The following STK32B variants were observed in gnomAD, a reference collection of about 807,000 sequenced individuals.
STK32B encodes the protein serine/threonine kinase 32B.
A neutral mutation model predicts 52.6 loss-of-function variants in STK32B; 43 were observed. That is an observed-to-expected ratio of 0.82 (90% CI 0.64 to 1.05). The LOEUF (loss-of-function observed/expected upper bound fraction) is 1.05, where lower values mean the gene tolerates loss of function less well. Ranked by LOEUF, STK32B falls within the 50% of genes least tolerant of loss-of-function variation. STK32B has a pLI of 0.00. For missense variants in STK32B, 621 were observed against 534.6 expected (o/e 1.16, Z -1.59); for synonymous variants, 238 against 204.3 (o/e 1.17, Z -1.41).
intron 1 of STK32B, among the ~76,000 whole-genome samples, chr4:5,125,870 G>C (rs377668671): frequency 6.6e-6 from 1 of 152,114 alleles, no homozygotes; most frequent in Non-Finnish European, 1.5e-5. Context: ...CCCACGAAGG[G>C]GCTGCCTCTT....
chr4:5,053,893 C>T (rs900725160), intron 1 of STK32B, among the ~76,000 whole-genome samples: 11 of 151,496 alleles, frequency 7.3e-5, no homozygotes, highest in African/African-American at 2.0e-4. Flanking sequence ...GCAGGAGAAT[C>T]GCTTGAACCC....
chr4:5,227,236 A>G (rs1577215376), intron 3 of STK32B, among the ~76,000 whole-genome samples: 2 of 152,360 alleles, frequency 1.3e-5, no homozygotes, highest in East Asian at 3.9e-4. Context: ...TTTGAGTTAC[A>G]GAATCCGAAA....
At chr4:5,364,764 C>T (rs544122522) in intron 4 of STK32B, among the ~76,000 whole-genome samples, 38 of 152,296 alleles carry the variant, frequency 2.5e-4, no homozygotes, top group African/African-American at 9.1e-4. Context: ...AATGCTACTC[C>T]AGTCCCAACC....
At chr4:5,471,155 G>C (rs188466223) in intron 11 of STK32B, among the ~76,000 whole-genome samples, 1 of 152,366 alleles carries the variant, frequency 6.6e-6, no homozygotes, top group Admixed American at 6.5e-5. Context: ...CTGAGGGCCT[G>C]TTAGCATCTA....
At chr4:5,137,555 T>A (rs1472513433) in intron 1 of STK32B, among the ~76,000 whole-genome samples, 1 of 152,194 alleles carries the variant, frequency 6.6e-6, no homozygotes, top group Non-Finnish European at 1.5e-5. Context: ...GGTTGTAGTG[T>A]GCCAGGCATG....
At chr4:5,255,795 A>G (rs1404496400) in intron 3 of STK32B, among the ~76,000 whole-genome samples, 4 of 152,202 alleles carry the variant, frequency 2.6e-5, no homozygotes, top group African/African-American at 7.2e-5. Context: ...CTCTTCTACT[A>G]TATGAATATA....
At chr4:5,420,889 TTTTTG>T (rs768338488) in intron 6 of STK32B, among the ~76,000 whole-genome samples, 2 of 151,496 alleles carry the variant, frequency 1.3e-5, no homozygotes, top group Non-Finnish European at 2.9e-5. Context: ...CGAGACAGTT[TTTTTG>T]TTTTGTTTTG....
chr4:5,164,637 A>C (rs763239902), intron 2 of STK32B, among the ~76,000 whole-genome samples: 1 of 152,202 alleles, frequency 6.6e-6, no homozygotes, highest in Non-Finnish European at 1.5e-5. Flanking sequence ...TCCAGGTTGC[A>C]GGCTGCTAGC....
At chr4:5,234,611 G>C (rs1392385132) in intron 3 of STK32B, among the ~76,000 whole-genome samples, 4 of 152,220 alleles carry the variant, frequency 2.6e-5, no homozygotes. Context: ...TAAGTGGAAA[G>C]GATGGATATG....
intron 4 of STK32B, among the ~76,000 whole-genome samples, chr4:5,385,701 C>T (rs1413106563): frequency 6.6e-6 from 1 of 152,042 alleles, no homozygotes; most frequent in African/African-American, 2.4e-5. Context: ...GAGCAGAGAT[C>T]TAAGGCTCCT....
chr4:5,284,668 G>A (rs1457780898), intron 3 of STK32B, among the ~76,000 whole-genome samples: 1 of 152,122 alleles, frequency 6.6e-6, no homozygotes, highest in Non-Finnish European at 1.5e-5. Flanking sequence ...ACTGTATGAC[G>A]GTAATAATTT....
chr4:5,438,691 C>G (rs570682952), intron 6 of STK32B, among the ~76,000 whole-genome samples: 2 of 152,130 alleles, frequency 1.3e-5, no homozygotes, highest in African/African-American at 4.8e-5. Flanking sequence ...CATGCTGGTG[C>G]GCTGCACCCA....
chr4:5,295,066 T>A (rs1482201780), intron 3 of STK32B, among the ~76,000 whole-genome samples: 1 of 152,208 alleles, frequency 6.6e-6, no homozygotes, highest in Non-Finnish European at 1.5e-5. Context: ...GTTTATGTGA[T>A]GGATTACATT....
rs182907115 is a variant in STK32B at position 5,299,168 on chromosome 4, A to C, written c.261-32052A>C. On this transcript the variant is annotated intron_variant, in intron 3 of 11. Transcript: ENST00000282908. ...TCCAGTGAGATGAACTGGGTACCTC[A>C]GTTGGAAATGCAGAAATTACCCACC... Among the ~76,000 whole-genome samples the C allele has an allele frequency of 2.6e-4, 40 of 151,454 alleles. 1 individual carries two copies. In the East Asian group the frequency reaches 7.2e-3, roughly 27 times the overall value.
chr4:5,253,451 C>T (rs1019727580), intron 3 of STK32B, among the ~76,000 whole-genome samples: 5 of 152,176 alleles, frequency 3.3e-5, no homozygotes, highest in East Asian at 3.9e-4. Context: ...CTCAGCTCAC[C>T]GCAACCTCCT....
intron 5 of STK32B, among the ~76,000 whole-genome samples, chr4:5,410,126 A>G (rs1360574723): frequency 6.6e-6 from 1 of 152,142 alleles, no homozygotes; most frequent in Non-Finnish European, 1.5e-5. Flanking sequence ...GTGGCAGCCA[A>G]TGTTACAATC....
the STK32B span, among the ~76,000 whole-genome samples, chr4:5,045,631 C>T: frequency 6.6e-6 from 1 of 152,088 alleles, no homozygotes; most frequent in Non-Finnish European, 1.5e-5. Context: ...TCCTTCATAT[C>T]CCTTGTTAAC....
intron 3 of STK32B, among the ~76,000 whole-genome samples, chr4:5,305,404 T>A (rs1402961726): frequency 1.3e-5 from 2 of 152,130 alleles, no homozygotes; most frequent in African/African-American, 4.8e-5. Context: ...TATTTCTTCC[T>A]GGTTTAATCT....
Position 5,177,083 on chromosome 4 carries a change from G to T in STK32B, c.260+8633G>T, listed in dbSNP as rs564650181. ...GTAAAAATATTGTTCACCGTAAGAG[G>T]TTATATATGTGTGTATGTGTATTAG... is the stretch of plus-strand genomic sequence containing the variant. On this transcript the variant is annotated intron_variant, in intron 3 of 11. Transcript: ENST00000282908. 4.6e-5 allele frequency among the ~76,000 whole-genome samples: 7 copies of T among 152,284 alleles called. No individual in the cohort carries two copies. The South Asian group carries it at 1.5e-3, about 32-fold the overall frequency.
Sources: gnomAD v4.1 joint callset for allele counts (sites outside exome capture counted in the v4.1 genomes callset) on GRCh38, gnomAD v4.1.1 for gene constraint, MANE v1.5 for transcripts, NCBI Gene and HGNC (gene_info 2026-07-23, HGNC 2026-07-21) for gene names.